Variants in CDH13 observed in about 807,000 individuals in gnomAD.
CDH13 encodes cadherin-13.
CDH13 carries 24 observed loss-of-function variants against 63.8 expected under a neutral mutation model. That is an observed-to-expected ratio of 0.38 (90% confidence interval 0.27 to 0.53). The LOEUF (loss-of-function observed/expected upper bound fraction) is 0.53. Among genes scored for constraint, CDH13 ranks in the 20% least tolerant of loss-of-function variants. The pLI is 0.85. For synonymous variants in CDH13, 503 were observed against 355.3 expected, an observed-to-expected ratio of 1.42 and a Z score of -4.67; for missense variants, 1,049 against 903.1, an observed-to-expected ratio of 1.16 and a Z score of -2.07.
rs539394608 is a variant in CDH13 at position 82,945,164 on chromosome 16, G to C, written c.157+86691G>C. Among the ~76,000 whole-genome samples, 3 of 152,308 alleles carry C rather than the reference G, an allele frequency of 2.0e-5. No individual in the cohort carries two copies. The South Asian group carries it at 6.2e-4, about 32-fold the overall frequency. ...CAAGTAGAACTTAATGTAAATAAGT[G>C]TTGGCAAAGGACAAGATAGTAAATA... On this transcript the variant is annotated intron_variant, in intron 2 of 13. Coordinates refer to ENST00000567109, the MANE Select transcript of CDH13 (RefSeq NM_001257.5).
In CDH13 at chr16:83,375,537, A is replaced by G. The variant is rs139215958; in HGVS notation, c.781+30531A>G. ...TAAGTAAGACAAAATCAGATCTTTA[A>G]TGGAGCTGAGGGTGGCATGGTAAAA... On this transcript the variant is annotated intron_variant, in intron 6 of 13. Transcript: ENST00000567109. Among the ~76,000 whole-genome samples the G allele has an allele frequency of 7.9e-5, 12 of 152,332 alleles. No individual in the cohort carries two copies. The East Asian group carries it at 2.3e-3, about 29-fold the overall frequency.
intron 1 of CDH13, chr16:82,722,875 C>G (rs1273377423): frequency 1.3e-5 from 2 of 152,240 alleles, no homozygotes; most frequent in Non-Finnish European, 2.9e-5. Flanking sequence ...ATGTCCAGCA[C>G]CAGGAAGCTC....
In CDH13 at chr16:83,307,167, T is replaced by G. The variant is rs1209856390; in HGVS notation, c.637-37695T>G. ...AGCCATGGTGTCCTGGGAATGTAAG[T>G]GGTAACGCCTGTTCCCTACCCCCGT... On this transcript the variant is annotated intron_variant, in intron 5 of 13. Coordinates refer to ENST00000567109, the MANE Select transcript of CDH13 (RefSeq NM_001257.5). Among the ~76,000 whole-genome samples, 8 of 152,292 alleles carry G rather than the reference T, an allele frequency of 5.3e-5. No individual in the cohort carries two copies. The East Asian group carries it at 1.5e-3, about 29-fold the overall frequency.
intron 2 of CDH13, among the ~76,000 whole-genome samples, chr16:82,955,372 G>T (rs11150526): frequency 0.14 from 21,726 of 152,190 alleles, 1,814 homozygotes; most frequent in Admixed American, 0.23. Context: ...TCAGAGTTGA[G>T]TAGGTTCTGG....
In CDH13 at chr16:83,093,817, A is replaced by G. The variant is rs572476577; in HGVS notation, c.367-31568A>G. ...CGGAAAGCATGTATAAGACAAGAAA[A>G]TAAATGGATACCAAAATCAACAAGT... On this transcript the variant is annotated intron_variant, in intron 3 of 13. Transcript: ENST00000567109. Among the ~76,000 whole-genome samples the G allele has an allele frequency of 1.2e-3, 180 of 152,334 alleles. 1 individual carries two copies. The highest frequency in any genetic ancestry group is 9.7e-3 in the South Asian group (47 of 4,828).
chr16:82,986,620 T>C (rs1455927446), intron 2 of CDH13, among the ~76,000 whole-genome samples: 1 of 152,220 alleles, frequency 6.6e-6, no homozygotes, highest in African/African-American at 2.4e-5. Context: ...GTCTTCTTCC[T>C]GTGTCTCTTA....
intron 7 of CDH13, among the ~76,000 whole-genome samples, chr16:83,530,503 G>A (rs2075059755): frequency 6.6e-6 from 1 of 152,238 alleles, no homozygotes; most frequent in African/African-American, 2.4e-5. Flanking sequence ...CTTGAGGACA[G>A]ATTTGGCCTG....
chr16:83,404,630 C>T (rs2092015129), intron 6 of CDH13, among the ~76,000 whole-genome samples: 1 of 152,218 alleles, frequency 6.6e-6, no homozygotes, highest in Non-Finnish European at 1.5e-5. Flanking sequence ...CACAAATACA[C>T]ACACCAAATA....
At chr16:83,632,950 C>T (rs1296845204) in intron 8 of CDH13, among the ~76,000 whole-genome samples, 2 of 151,790 alleles carry the variant, frequency 1.3e-5, no homozygotes, top group Middle Eastern at 3.4e-3. Context: ...TAGGTAACTT[C>T]CTGATGTTAC....
chr16:83,103,943 C>T (rs1489627407), intron 3 of CDH13, among the ~76,000 whole-genome samples: 1 of 152,162 alleles, frequency 6.6e-6, no homozygotes. Flanking sequence ...TACTCCTTTC[C>T]TGTGGGGCAA....
chr16:82,721,404 C>T (rs948549105), intron 1 of CDH13, among the ~76,000 whole-genome samples: 30 of 151,906 alleles, frequency 2.0e-4, no homozygotes, highest in African/African-American at 6.8e-4. Context: ...GTGAGGGACA[C>T]GGAGGTTCAG....
At chr16:83,008,616 A>G (rs1489091586) in intron 2 of CDH13, among the ~76,000 whole-genome samples, 1 of 152,124 alleles carries the variant, frequency 6.6e-6, no homozygotes, top group Non-Finnish European at 1.5e-5. Flanking sequence ...TTATACTTGG[A>G]CCTTTGCTGT....
At chr16:82,792,168 G>A (rs931263834) in intron 1 of CDH13, among the ~76,000 whole-genome samples, 1 of 152,068 alleles carries the variant, frequency 6.6e-6, no homozygotes, top group African/African-American at 2.4e-5. Context: ...TGACTTCATA[G>A]ACTCACAATT....
intron 10 of CDH13, among the ~76,000 whole-genome samples, chr16:83,683,166 A>G (rs1050848830): frequency 5.3e-5 from 8 of 152,222 alleles, no homozygotes; most frequent in African/African-American, 1.9e-4. Flanking sequence ...GAATCTTCTC[A>G]CTAAAAAGCC....
intron 6 of CDH13, among the ~76,000 whole-genome samples, chr16:83,382,848 C>T (rs532244530): frequency 2.0e-5 from 3 of 152,258 alleles, no homozygotes; most frequent in Admixed American, 2.0e-4. Context: ...CTGACCCCAC[C>T]CATGGTACAT....
At position 82,644,130 on chromosome 16, in the gene CDH13, G is replaced by A. The variant is rs1224289104; in HGVS notation, c.45+16993G>A. On this transcript the variant is annotated intron_variant, in intron 1 of 13. Coordinates refer to ENST00000567109, the MANE Select transcript of CDH13 (RefSeq NM_001257.5). This position sits in a 1 kb window ranked among gnomAD's most constrained non-coding sequence, Gnocchi z 5.7. ...ATATGCTAATTGTCATTGTACTCAAGTTGATAGCAGATTGCTGAAGGATTT... is the reference window on the plus strand; with the variant it reads ...ATATGCTAATTGTCATTGTACTCAAATTGATAGCAGATTGCTGAAGGATTT... Among the ~76,000 whole-genome samples the A allele has an allele frequency of 1.3e-5, 2 of 152,144 alleles. No homozygotes were observed. Among genetic ancestry groups the A allele is most frequent in the African/African-American group, 2.4e-5 (1 of 41,422 alleles).
chr16:82,628,853 C>T (rs1198373176), intron 1 of CDH13, among the ~76,000 whole-genome samples: 1 of 152,208 alleles, frequency 6.6e-6, no homozygotes, highest in Non-Finnish European at 1.5e-5. Flanking sequence ...CTAGTGGTAC[C>T]AACCCGGGCA....
At chr16:82,802,100 T>C (rs1011469875) in intron 1 of CDH13, among the ~76,000 whole-genome samples, 4 of 124,514 alleles carry the variant, frequency 3.2e-5, no homozygotes, top group African/African-American at 1.6e-4. Context: ...CTGGGTTATT[T>C]ATCTATCATC....
intron 10 of CDH13, among the ~76,000 whole-genome samples, chr16:83,701,219 AG>A (rs1259129968): frequency 1.3e-5 from 2 of 152,206 alleles, no homozygotes; most frequent in African/African-American, 4.8e-5. Context: ...TAAAACTCTC[AG>A]TCCCTGAAAA....
Sources: allele counts gnomAD v4.1 joint callset (sites outside exome capture counted in the v4.1 genomes callset), GRCh38; gene constraint gnomAD v4.1.1; non-coding constraint Gnocchi (gnomAD v3.1); transcripts MANE v1.5; gene names NCBI Gene and HGNC (gene_info 2026-07-23, HGNC 2026-07-21).